Variants in RIT2 observed in about 807,000 individuals in gnomAD.
The protein encoded by RIT2 is GTP-binding protein Rit2.
Under a neutral mutation model 23.7 loss-of-function variants are expected in RIT2, and 24 were observed. That is an observed-to-expected ratio of 1.01 (90% CI 0.73 to 1.43). The LOEUF is 1.43. Among genes scored for constraint, RIT2 ranks in the 40% most tolerant of loss-of-function variants. The pLI, the probability that RIT2 is intolerant of heterozygous loss-of-function variation, is 0.00. For synonymous variants in RIT2, 107 were observed against 91.1 expected, an observed-to-expected ratio of 1.17 and a Z score of -0.99; for missense variants, 236 against 266.9, an observed-to-expected ratio of 0.88 and a Z score of 0.81.
At chr18:43,043,694 G>T (rs946550879) in intron 1 of RIT2, among the ~76,000 whole-genome samples, 1 of 152,116 alleles carries the variant, frequency 6.6e-6, no homozygotes, top group Non-Finnish European at 1.5e-5. Flanking sequence ...GGAAGCTGAG[G>T]CAAGAGAATT....
At chr18:42,752,840 C>T (rs1037604767) in intron 4 of RIT2, among the ~76,000 whole-genome samples, 3 of 152,136 alleles carry the variant, frequency 2.0e-5, no homozygotes, top group African/African-American at 7.2e-5. Flanking sequence ...CACAGTGCCC[C>T]TCAACTGCAA....
rs1254629817 is a variant in RIT2 at position 42,800,410 on chromosome 18, C to T, written c.427-56690G>A. 1.3e-5 allele frequency among the ~76,000 whole-genome samples: 2 copies of T among 151,982 alleles called. 1 individual carries two copies. Among genetic ancestry groups the T allele is most frequent in the South Asian group, 4.1e-4 (2 of 4,826 alleles). On this transcript the variant is annotated intron_variant, in intron 4 of 4. Coordinates refer to ENST00000326695, the MANE Select transcript of RIT2 (RefSeq NM_002930.4). ...GTACTTCAGGGATTAATATTTAAACCATTATACACATTGATTTGAACTTGC... is the reference window on the plus strand; with the variant it reads ...GTACTTCAGGGATTAATATTTAAACTATTATACACATTGATTTGAACTTGC...
intron 4 of RIT2, among the ~76,000 whole-genome samples, chr18:42,886,933 A>C (rs1248555249): frequency 6.6e-6 from 1 of 152,176 alleles, no homozygotes; most frequent in Non-Finnish European, 1.5e-5. Context: ...TTCAGGAAGG[A>C]TGACAGAGTT....
Position 42,800,673 on chromosome 18 carries a change from G to A in RIT2, c.427-56953C>T, listed in dbSNP as rs970184215. Among the ~76,000 whole-genome samples the A allele has an allele frequency of 1.2e-4, 19 of 152,118 alleles. 1 individual carries two copies. The highest frequency in any genetic ancestry group is 2.1e-4 in the Non-Finnish European group (14 of 67,994). On this transcript the variant is annotated intron_variant, in intron 4 of 4. Transcript: ENST00000326695. Reference sequence around the variant, plus strand: ...GCCTCCCGAGTAGCTGGGACTACAGGCACCCGCCCCCACGCCCAGCTAATT... The same window carrying A: ...GCCTCCCGAGTAGCTGGGACTACAGACACCCGCCCCCACGCCCAGCTAATT...
At chr18:42,842,699 T>C (rs1027494607) in intron 4 of RIT2, among the ~76,000 whole-genome samples, 11 of 152,114 alleles carry the variant, frequency 7.2e-5, no homozygotes, top group African/African-American at 2.4e-4. Flanking sequence ...TTGAAACATT[T>C]TGATGTACCA....
intron 4 of RIT2, among the ~76,000 whole-genome samples, chr18:42,869,898 A>G (rs551072064): frequency 6.6e-6 from 1 of 152,302 alleles, no homozygotes; most frequent in East Asian, 1.9e-4. Flanking sequence ...ATAGTCCCAC[A>G]TATCCTTTCT....
intron 4 of RIT2, among the ~76,000 whole-genome samples, chr18:42,839,182 A>G (rs1226148231): frequency 6.6e-6 from 1 of 152,226 alleles, no homozygotes; most frequent in Non-Finnish European, 1.5e-5. Flanking sequence ...TCCATGTCTG[A>G]CTTCAGCTGA....
chr18:42,988,807 G>A (rs1910773420), intron 2 of RIT2, among the ~76,000 whole-genome samples: 1 of 152,200 alleles, frequency 6.6e-6, no homozygotes, highest in Non-Finnish European at 1.5e-5. Context: ...ACTGCTAATA[G>A]ATTTAAGAGC....
At chr18:43,106,868 G>A (rs1913835009) in intron 1 of RIT2, among the ~76,000 whole-genome samples, 1 of 152,200 alleles carries the variant, frequency 6.6e-6, no homozygotes, top group Non-Finnish European at 1.5e-5. Flanking sequence ...TCCCTGCTGA[G>A]CAATGAGAAG....
intron 1 of RIT2, among the ~76,000 whole-genome samples, chr18:43,087,441 G>A (rs1913312408): frequency 6.6e-6 from 1 of 151,986 alleles, no homozygotes. Flanking sequence ...AATCCTGGGA[G>A]GCACCTCAGC....
intron 1 of RIT2, among the ~76,000 whole-genome samples, chr18:43,049,634 C>A (rs967872867): frequency 2.0e-5 from 3 of 152,094 alleles, no homozygotes; most frequent in African/African-American, 2.4e-5. Context: ...TGCACTCTAA[C>A]CTTGGGGAGA....
At chr18:42,979,478 A>G (rs984266168) in intron 2 of RIT2, among the ~76,000 whole-genome samples, 1 of 152,140 alleles carries the variant, frequency 6.6e-6, no homozygotes, top group African/African-American at 2.4e-5. Flanking sequence ...CAAGATATTA[A>G]TCACTGACCC....
At chr18:42,872,238 T>C (rs957035126) in intron 4 of RIT2, among the ~76,000 whole-genome samples, 4 of 152,206 alleles carry the variant, frequency 2.6e-5, no homozygotes, top group African/African-American at 7.2e-5. Flanking sequence ...TTGGCTGATA[T>C]GGCTTAAAAG....
intron 1 of RIT2, among the ~76,000 whole-genome samples, chr18:43,103,552 T>C (rs1425112306): frequency 1.3e-5 from 2 of 152,130 alleles, no homozygotes; most frequent in Non-Finnish European, 2.9e-5. Flanking sequence ...TTAAGTGTTA[T>C]AAAGAAGAGA....
At chr18:42,867,247 T>G (rs1320256848) in intron 4 of RIT2, among the ~76,000 whole-genome samples, 1 of 152,090 alleles carries the variant, frequency 6.6e-6, no homozygotes, top group East Asian at 1.9e-4. Context: ...TGTCAGTGAT[T>G]GACAAGTGAG....
At chr18:43,054,185 G>A (rs1284772722) in intron 1 of RIT2, among the ~76,000 whole-genome samples, 7 of 152,034 alleles carry the variant, frequency 4.6e-5, no homozygotes, top group East Asian at 1.9e-4. Context: ...GGATGTCAAC[G>A]CTAGATTGTG....
chr18:42,813,177 C>G (rs1905899985), intron 4 of RIT2, among the ~76,000 whole-genome samples: 1 of 152,122 alleles, frequency 6.6e-6, no homozygotes, highest in Non-Finnish European at 1.5e-5. Flanking sequence ...AGAGTTTTTA[C>G]TAAAGTTTAT....
At chr18:43,029,580 A>C (rs1292528248) in intron 2 of RIT2, among the ~76,000 whole-genome samples, 1 of 152,000 alleles carries the variant, frequency 6.6e-6, no homozygotes, top group African/African-American at 2.4e-5. Flanking sequence ...AAAAAGAAAA[A>C]TTGGACTCTA....
At chr18:42,818,029 T>C (rs1906046032) in intron 4 of RIT2, among the ~76,000 whole-genome samples, 1 of 152,012 alleles carries the variant, frequency 6.6e-6, no homozygotes, top group Non-Finnish European at 1.5e-5. Context: ...ATTAGAGTAA[T>C]ATATTTGTCA....
Sources: gnomAD v4.1 joint callset for allele counts (sites outside exome capture counted in the v4.1 genomes callset) on GRCh38, gnomAD v4.1.1 for gene constraint, MANE v1.5 for transcripts, NCBI Gene and HGNC (gene_info 2026-07-23, HGNC 2026-07-21) for gene names.